The following FRMD7 variants were observed in gnomAD, a reference collection of about 807,000 sequenced individuals.
The protein encoded by FRMD7 is FERM domain-containing protein 7.
FRMD7 carries 14 observed loss-of-function variants against 44.1 expected under a neutral mutation model. That is an observed-to-expected ratio of 0.32 (90% CI 0.21 to 0.50). The LOEUF (loss-of-function observed/expected upper bound fraction) is 0.50, where lower values mean the gene tolerates loss of function less well. Ranked by LOEUF, FRMD7 falls within the 20% of genes least tolerant of loss-of-function variation. The probability of loss-of-function intolerance (pLI) is 0.99; values close to 1 mark genes in which losing one functional copy is unlikely to be tolerated. For synonymous variants in FRMD7, 212 were observed against 187.4 expected (o/e 1.13, Z -1.07); for missense variants, 501 against 522.3 (o/e 0.96, Z 0.40).
intron 5 of FRMD7, among the ~76,000 whole-genome samples, chrX:132,086,779 A>G (rs183427027): frequency 4.9e-4 from 55 of 111,889 alleles, no homozygotes; most frequent in Non-Finnish European, 5.6e-5. Context: ...TGGCAGCCCT[A>G]GCAAACTAGT....
chrX:132,125,463 T>A lies in FRMD7; in HGVS notation c.57+2325A>T, dbSNP rs1929133047. ...TGCCTCTTGAGATTTCAGTTTAGTA[T>A]CAAAAGGTCCTCCATGTGGCCTTCC... On this transcript the variant is annotated intron_variant, in intron 1 of 11. Coordinates refer to ENST00000298542, the MANE Select transcript of FRMD7 (RefSeq NM_194277.3). Among the ~76,000 whole-genome samples the A allele has an allele frequency of 5.4e-5, 6 of 111,866 alleles. No homozygotes were observed. The South Asian group carries it at 2.3e-3, about 42-fold the overall frequency.
At chrX:132,083,388 C>T (rs1927884525) in intron 8 of FRMD7, among the ~76,000 whole-genome samples, 1 of 111,442 alleles carries the variant, frequency 9.0e-6, no homozygotes, top group Non-Finnish European at 1.9e-5. Flanking sequence ...TTCCCCATCT[C>T]CTGACACTAT....
At chrX:132,125,557 T>A (rs1381740292) in intron 1 of FRMD7, among the ~76,000 whole-genome samples, 2 of 111,864 alleles carry the variant, frequency 1.8e-5, no homozygotes, top group Non-Finnish European at 3.8e-5. Context: ...ATGTTAGTAC[T>A]AATAAAATAG....
At chrX:132,105,693 A>G (rs1928628114) in intron 1 of FRMD7, among the ~76,000 whole-genome samples, 1 of 111,678 alleles carries the variant, frequency 9.0e-6, no homozygotes, top group Non-Finnish European at 1.9e-5. Context: ...TAGAGAGTCC[A>G]GAAATAAGGC....
chrX:132,079,275 T>TGTTAG lies in FRMD7; in HGVS notation c.1051-314_1051-310dup, dbSNP rs779012491. On this transcript the variant is annotated intron_variant, in intron 11 of 11. Coordinates refer to ENST00000298542, the MANE Select transcript of FRMD7 (RefSeq NM_194277.3). ...ATATTAGTGAACCAGGAGTCCTGCC[T>TGTTAG]GTTAGTCCTGGCTCTGTCTCTGATT... 5.9e-3 allele frequency among the ~76,000 whole-genome samples: 666 copies of TGTTAG among 111,992 alleles called. 5 individuals carry two copies. Among genetic ancestry groups the TGTTAG allele is most frequent in the African/African-American group, 0.02 (627 of 30,829 alleles).
chrX:132,093,720 C>T (rs1487876157), intron 5 of FRMD7, among the ~76,000 whole-genome samples: 1 of 112,441 alleles, frequency 8.9e-6, no homozygotes, highest in Non-Finnish European at 1.9e-5. Flanking sequence ...GGAGTGGGGA[C>T]CTGTCTGGCA....
chrX:132,100,532 T>C (rs1407100568), intron 2 of FRMD7, 80 bp downstream of exon 2: 1 of 660,717 alleles, frequency 1.5e-6, no homozygotes, highest in African/African-American at 2.1e-5. Flanking sequence ...AATCAGGGAA[T>C]TGAACCCTAC....
intron 5 of FRMD7, 64 bp downstream of exon 5, chrX:132,093,978 G>C: frequency 1.5e-6 from 1 of 676,816 alleles, no homozygotes; most frequent in South Asian, 2.1e-5. Flanking sequence ...GGGGAGCTCA[G>C]CTCCTGTGCT....
intron 1 of FRMD7, among the ~76,000 whole-genome samples, chrX:132,104,533 A>C (rs890453527): frequency 9.0e-6 from 1 of 110,962 alleles, no homozygotes; most frequent in African/African-American, 3.3e-5. Flanking sequence ...TCTACTAAAA[A>C]ATACAAAAAA....
chrX:132,108,890 G>T (rs774877755), intron 1 of FRMD7, among the ~76,000 whole-genome samples: 1 of 111,138 alleles, frequency 9.0e-6, no homozygotes, highest in African/African-American at 3.3e-5. Flanking sequence ...GTGCCCGTCC[G>T]CCATGATTGT....
chrX:132,110,772 G>A (rs1017551906), intron 1 of FRMD7, among the ~76,000 whole-genome samples: 4 of 112,159 alleles, frequency 3.6e-5, no homozygotes, highest in Non-Finnish European at 7.5e-5. Context: ...TCAACACTCC[G>A]TAGCCTTTGC....
In FRMD7 at chrX:132,078,636, A is replaced by AAT; in HGVS notation, c.1379_1380dup (p.Ser461IlefsTer14). ...GGACGCACTTTGCTTGTGAGGCCAGAATATATGCTCATGTGATTACCAGAA... is the reference window on the plus strand; with the variant it reads ...GGACGCACTTTGCTTGTGAGGCCAGAATATATATGCTCATGTGATTACCAGAA... On this transcript the variant is annotated frameshift_variant, in exon 12 of 12. Transcript: ENST00000298542. LOFTEE classifies it high-confidence loss of function. 8.3e-7 allele frequency: 1 copy of AAT among 1,211,563 alleles called. No homozygotes were observed.
intron 1 of FRMD7, 141 bp downstream of exon 1, chrX:132,127,647 T>A: frequency 1.8e-6 from 1 of 543,113 alleles, no homozygotes; most frequent in East Asian, 3.4e-5. Context: ...TAAATACAGA[T>A]TATTTTTCCA....
At chrX:132,094,775 T>C (rs1034238812) in intron 4 of FRMD7, among the ~76,000 whole-genome samples, 4 of 111,836 alleles carry the variant, frequency 3.6e-5, no homozygotes, top group Non-Finnish European at 5.6e-5. Flanking sequence ...GCCTGGACCA[T>C]CTTCTCTGTA....
chrX:132,078,160 T>A lies in FRMD7; in HGVS notation c.1857A>T (p.Lys619Asn). 8.3e-7 allele frequency: 1 copy of A among 1,211,597 alleles called. No individual in the cohort carries two copies. Among genetic ancestry groups the A allele is most frequent in the Non-Finnish European group, 1.1e-6 (1 of 895,173 alleles). ...CAAACATATCCGTAAACAGGTCTGC[T>A]TTATGACTGAGAGCAGGACAAGGCC... is the stretch of plus-strand genomic sequence containing the variant. ...PLGPCPALSH[K>N]ADLFTDMFAE... is the part of the protein sequence containing the mutation. Residue 619 changes from lysine to asparagine, a missense_variant, in exon 12 of 12, where the codon AAA becomes AAT. Physicochemically the swap from Lys to Asn is moderately conservative, Grantham distance 94. Around this residue, in one of 3 missense-constraint regions of FRMD7, gnomAD observed 453 missense variants for 452.7 expected, o/e 1.00. Coordinates refer to ENST00000298542, the MANE Select transcript of FRMD7 (RefSeq NM_194277.3).
chrX:132,089,600 A>T (rs535784452), intron 5 of FRMD7, among the ~76,000 whole-genome samples: 38 of 112,353 alleles, frequency 3.4e-4, no homozygotes, highest in African/African-American at 1.2e-3. Flanking sequence ...TGTATATCTT[A>T]TAAAGACTTT....
At chrX:132,093,792 G>A (rs982308804) in intron 5 of FRMD7, among the ~76,000 whole-genome samples, 3 of 112,386 alleles carry the variant, frequency 2.7e-5, no homozygotes, top group Non-Finnish European at 5.6e-5. Flanking sequence ...GCGGTAGGAG[G>A]GGAAGGCTGG....
intron 5 of FRMD7, among the ~76,000 whole-genome samples, chrX:132,088,809 G>T (rs1208674734): frequency 8.9e-6 from 1 of 111,860 alleles, no homozygotes; most frequent in East Asian, 2.8e-4. Flanking sequence ...CTTACACACT[G>T]AAAAGTACAA....
chrX:132,103,509 T>C (rs182397118), intron 1 of FRMD7, among the ~76,000 whole-genome samples: 5 of 109,106 alleles, frequency 4.6e-5, no homozygotes, highest in African/African-American at 1.7e-4. Context: ...TCTATCTATC[T>C]ATCTATCTAT....
Sources: gnomAD v4.1 joint callset for allele counts (sites outside exome capture counted in the v4.1 genomes callset) on GRCh38, gnomAD v4.1.1 for gene constraint, gnomAD v4.1.1 regional missense constraint, MANE v1.5 for transcripts, NCBI Gene and HGNC (gene_info 2026-07-23, HGNC 2026-07-21) for gene names.